BMPR1B: variants seen among roughly 807,000 people sequenced by gnomAD.
BMPR1B encodes bone morphogenetic protein receptor type 1B, also known as bone morphogenetic protein receptor type-1B.
In BMPR1B, 12 loss-of-function variants were observed where a neutral mutation model predicts 59.1. That is an observed-to-expected ratio of 0.20 (90% CI 0.13 to 0.33). The LOEUF (loss-of-function observed/expected upper bound fraction) is 0.33, where lower values mean the gene tolerates loss of function less well. Among genes scored for constraint, BMPR1B ranks in the 10% least tolerant of loss-of-function variants. The pLI, the probability that BMPR1B is intolerant of heterozygous loss-of-function variation, is 1.00. For missense variants in BMPR1B, 550 were observed against 610.9 expected, an observed-to-expected ratio of 0.90 and a Z score of 1.05; for synonymous variants, 237 against 207.3, an observed-to-expected ratio of 1.14 and a Z score of -1.23.
chr4:94,910,970 G>A (rs1728250232), intron 2 of BMPR1B, among the ~76,000 whole-genome samples: 1 of 152,042 alleles, frequency 6.6e-6, no homozygotes, highest in Non-Finnish European at 1.5e-5. Flanking sequence ...AATAAAAAAG[G>A]ACTTATTAAA....
chr4:94,963,966 A>G (rs1202377109), intron 2 of BMPR1B, among the ~76,000 whole-genome samples: 4 of 152,118 alleles, frequency 2.6e-5, no homozygotes, highest in African/African-American at 4.8e-5. Context: ...ATCCATGAAC[A>G]TGGAATATCT....
At chr4:94,829,645 G>A (rs1156666440) in intron 1 of BMPR1B, among the ~76,000 whole-genome samples, 2 of 152,112 alleles carry the variant, frequency 1.3e-5, no homozygotes, top group Admixed American at 6.5e-5. Flanking sequence ...GTAGATAAAA[G>A]GAGCACAGTG....
chr4:95,137,208 G>A (rs1733859352), intron 10 of BMPR1B, among the ~76,000 whole-genome samples: 1 of 152,152 alleles, frequency 6.6e-6, no homozygotes. Flanking sequence ...TTGCCATGTA[G>A]TTGAGCGGTT....
intron 1 of BMPR1B, among the ~76,000 whole-genome samples, chr4:94,863,091 G>C (rs1285516816): frequency 2.0e-5 from 3 of 152,110 alleles, no homozygotes; most frequent in African/African-American, 7.2e-5. Context: ...ACTCCAGCCT[G>C]GGCAACAAGA....
chr4:94,892,328 T>C (rs1727432785), intron 2 of BMPR1B, among the ~76,000 whole-genome samples: 1 of 152,066 alleles, frequency 6.6e-6, no homozygotes, highest in South Asian at 2.1e-4. Flanking sequence ...TGAATCTGAA[T>C]CTACCTTTTA....
chr4:94,962,149 TTC>T (rs201714134), intron 2 of BMPR1B, among the ~76,000 whole-genome samples: 1,386 of 100,006 alleles, frequency 0.014, 122 homozygotes, highest in African/African-American at 0.054. Flanking sequence ...CCTTTCTTTT[TTC>T]TTTTTTTTGA....
At position 95,125,090 on chromosome 4, in the gene BMPR1B, G is replaced by A. The variant is rs1732811517; in HGVS notation, c.554G>A (p.Ser185Asn). 1 of 1,613,720 alleles carries A rather than the reference G, an allele frequency of 6.2e-7. No individual in the cohort carries two copies. ...AGAGACTTAATTGAGCAGTCTCAGA[G>A]CTCAGGAAGTGGATCAGGCCTCCCT... ...SLRDLIEQSQ[S>N]SGSGSGLPLL... The change falls in exon 8 of 13, where the codon AGC becomes AAC. Residue 185 changes from serine to asparagine, a missense_variant. Physicochemically the swap from Ser to Asn is conservative, Grantham distance 46. Around this residue, in one of 6 missense-constraint regions of BMPR1B, gnomAD observed 318 missense variants for 284.6 expected, o/e 1.12. Coordinates refer to ENST00000515059, the MANE Select transcript of BMPR1B (RefSeq NM_001203.3).
chr4:94,857,778 T>C (rs1045075512), intron 1 of BMPR1B, among the ~76,000 whole-genome samples: 3 of 152,220 alleles, frequency 2.0e-5, no homozygotes, highest in Admixed American at 6.5e-5. Context: ...CTTAAACCTA[T>C]TTTAAACAAT....
intron 3 of BMPR1B, among the ~76,000 whole-genome samples, chr4:95,081,593 T>A (rs370809473): frequency 1.1e-4 from 16 of 152,196 alleles, no homozygotes; most frequent in Non-Finnish European, 1.9e-4. Flanking sequence ...TTCATATTCA[T>A]GCATAGGTAA....
chr4:94,942,389 A>C (rs1415302096), intron 2 of BMPR1B, among the ~76,000 whole-genome samples: 4 of 152,196 alleles, frequency 2.6e-5, no homozygotes, highest in African/African-American at 9.7e-5. Context: ...ATCGTAAATG[A>C]CTGAGAACAT....
intron 2 of BMPR1B, among the ~76,000 whole-genome samples, chr4:94,945,686 T>A (rs1346385823): frequency 1.3e-5 from 2 of 152,226 alleles, no homozygotes; most frequent in Non-Finnish European, 2.9e-5. Flanking sequence ...CCTCCTGCCC[T>A]GGCCTTCCAA....
At chr4:95,026,344 T>C (rs907335928) in intron 3 of BMPR1B, among the ~76,000 whole-genome samples, 2 of 152,030 alleles carry the variant, frequency 1.3e-5, no homozygotes, top group Non-Finnish European at 2.9e-5. Flanking sequence ...ATAGCCTTTA[T>C]AGCACAATTG....
intron 2 of BMPR1B, among the ~76,000 whole-genome samples, chr4:94,891,464 T>C (rs1727389600): frequency 6.6e-6 from 1 of 152,128 alleles, no homozygotes; most frequent in Non-Finnish European, 1.5e-5. Flanking sequence ...AGGTAAATGA[T>C]ACTTAAAAGT....
At chr4:94,835,291 T>G (rs1022978407) in intron 1 of BMPR1B, among the ~76,000 whole-genome samples, 1 of 152,184 alleles carries the variant, frequency 6.6e-6, no homozygotes, top group Admixed American at 6.6e-5. Flanking sequence ...TGTCTTAGCC[T>G]TCCGAGTAGC....
At chr4:94,924,627 A>G (rs1283076157) in intron 2 of BMPR1B, among the ~76,000 whole-genome samples, 2 of 152,132 alleles carry the variant, frequency 1.3e-5, no homozygotes, top group Non-Finnish European at 2.9e-5. Context: ...AAGACAGTCC[A>G]TGGTTTCCTT....
chr4:95,072,080 A>G (rs1445965887), intron 3 of BMPR1B, among the ~76,000 whole-genome samples: 2 of 152,094 alleles, frequency 1.3e-5, no homozygotes, highest in Non-Finnish European at 2.9e-5. Flanking sequence ...CAAAGTCAAG[A>G]CTTAAGCAGA....
At chr4:94,958,396 C>G (rs1730234972) in intron 2 of BMPR1B, among the ~76,000 whole-genome samples, 1 of 152,162 alleles carries the variant, frequency 6.6e-6, no homozygotes, top group Non-Finnish European at 1.5e-5. Context: ...TCTCACAGTT[C>G]TGGAGGCTGG....
chr4:94,841,529 G>T (rs1474546702), intron 1 of BMPR1B, among the ~76,000 whole-genome samples: 1 of 152,150 alleles, frequency 6.6e-6, no homozygotes, highest in African/African-American at 2.4e-5. Flanking sequence ...GATTTTCCAG[G>T]TGCCATCCGT....
chr4:95,090,853 GA>G (rs1729926177), intron 3 of BMPR1B, among the ~76,000 whole-genome samples: 1 of 151,970 alleles, frequency 6.6e-6, no homozygotes, highest in Non-Finnish European at 1.5e-5. Flanking sequence ...AATTTTTAAT[GA>G]ATCAAGTCAA....
Sources: gnomAD v4.1 joint callset for allele counts (sites outside exome capture counted in the v4.1 genomes callset) on GRCh38, gnomAD v4.1.1 for gene constraint, gnomAD v4.1.1 regional missense constraint, MANE v1.5 for transcripts, NCBI Gene and HGNC (gene_info 2026-07-23, HGNC 2026-07-21) for gene names.